MYRIP: variants seen among roughly 807,000 people sequenced by gnomAD.
MYRIP encodes the protein myosin VIIA and Rab interacting protein, also known as rab effector MyRIP.
A neutral mutation model predicts 98.0 loss-of-function variants in MYRIP; 49 were observed. The observed-to-expected ratio is 0.50, with a 90% CI of 0.40 to 0.63. MYRIP has a LOEUF of 0.63. Among genes scored for constraint, MYRIP ranks in the 30% least tolerant of loss-of-function variants. MYRIP has a pLI of 0.00. For missense variants in MYRIP, 1,004 were observed against 1,058.2 expected (o/e 0.95, Z 0.71); for synonymous variants, 404 against 409.5 (o/e 0.99, Z 0.16).
intron 16 of MYRIP, among the ~76,000 whole-genome samples, chr3:40,253,294 A>G (rs956467713): frequency 1.3e-5 from 2 of 152,206 alleles, no homozygotes; most frequent in Non-Finnish European, 2.9e-5. Context: ...CATATGTTCA[A>G]CAGCCGCGGT....
intron 1 of MYRIP, among the ~76,000 whole-genome samples, chr3:39,830,800 G>T (rs1941420266): frequency 1.3e-5 from 2 of 151,800 alleles, no homozygotes; most frequent in Middle Eastern, 3.4e-3. Context: ...CCGAGCTATG[G>T]CTCCCATTTC....
At chr3:40,249,755 G>A (rs1953316383) in intron 13 of MYRIP, among the ~76,000 whole-genome samples, 1 of 152,162 alleles carries the variant, frequency 6.6e-6, no homozygotes, top group Admixed American at 6.5e-5. Flanking sequence ...TGGAGGAGAT[G>A]GACTTGAACC....
intron 3 of MYRIP, among the ~76,000 whole-genome samples, chr3:40,148,150 T>C (rs1559420909): frequency 6.6e-6 from 1 of 152,216 alleles, no homozygotes; most frequent in Non-Finnish European, 1.5e-5. Flanking sequence ...TTTAGCATCA[T>C]TATTTTTATC....
chr3:39,881,170 T>G (rs1053485796), intron 1 of MYRIP, among the ~76,000 whole-genome samples: 1 of 152,200 alleles, frequency 6.6e-6, no homozygotes, highest in African/African-American at 2.4e-5. Context: ...TACCTAGATA[T>G]CATAGGATTG....
chr3:40,229,180 A>G (rs1190951608), intron 11 of MYRIP, among the ~76,000 whole-genome samples: 1 of 152,246 alleles, frequency 6.6e-6, no homozygotes, highest in Non-Finnish European at 1.5e-5. Context: ...AACACCTTGC[A>G]TTCTCCATGT....
chr3:39,881,622 G>A (rs9809063), intron 1 of MYRIP, among the ~76,000 whole-genome samples: 6,036 of 152,184 alleles, frequency 0.04, 297 homozygotes, highest in East Asian at 0.13. Context: ...ACACTGCTCA[G>A]CTATGCCTAG....
chr3:40,251,973 A>G lies in MYRIP; in HGVS notation c.2521A>G (p.Arg841Gly). The G allele has an allele frequency of 6.2e-7, 1 of 1,612,038 alleles. No homozygotes were observed. The highest frequency in any genetic ancestry group is 8.5e-7 in the Non-Finnish European group (1 of 1,178,142). ...QGSSTNRTKE[R>G]KGTTKDLMEP... The stretch of plus-strand genomic sequence containing the variant: ...CTCCTCAACAAACAGGACTAAGGAA[A>G]GGAAAGGCACCACCAAGGATTTGAT... The change falls in exon 16 of 17, where the codon AGG (arginine) becomes GGG (glycine). Residue 841 changes from arginine to glycine, a missense_variant. Arg to Gly is a moderately radical substitution (Grantham distance 125). Around this residue, in one of 3 missense-constraint regions of MYRIP, gnomAD observed 108 missense variants for 111.1 expected, o/e 0.97. Transcript: ENST00000302541.
chr3:40,070,771 G>A (rs1341961370), intron 3 of MYRIP, among the ~76,000 whole-genome samples: 1 of 152,176 alleles, frequency 6.6e-6, no homozygotes, highest in Non-Finnish European at 1.5e-5. Flanking sequence ...GTACCAGAAA[G>A]GCTGGGGACT....
chr3:40,248,145 GTAATAT>G (rs1305943260), intron 13 of MYRIP: 2 of 152,378 alleles, frequency 1.3e-5, no homozygotes, highest in East Asian at 3.9e-4. Context: ...TGTGTTCTTG[GTAATAT>G]TAGGACAGAG....
intron 2 of MYRIP, among the ~76,000 whole-genome samples, chr3:40,010,676 C>T (rs1353521467): frequency 2.0e-5 from 3 of 152,124 alleles, no homozygotes; most frequent in Non-Finnish European, 4.4e-5. Flanking sequence ...CTATGCTTTG[C>T]ATTGGTTCTT....
At chr3:40,216,840 A>G (rs749171089) in intron 11 of MYRIP, among the ~76,000 whole-genome samples, 2 of 152,190 alleles carry the variant, frequency 1.3e-5, no homozygotes, top group Non-Finnish European at 2.9e-5. Context: ...CAAAAACACT[A>G]TGAACATCAC....
chr3:40,099,890 C>A, intron 3 of MYRIP: 2 of 678,534 alleles, frequency 2.9e-6, no homozygotes, highest in Non-Finnish European at 1.8e-6. Context: ...TTAAACCGGG[C>A]AGCTTTAAAT....
At chr3:40,153,108 G>A (rs979829885) in intron 4 of MYRIP, among the ~76,000 whole-genome samples, 2 of 149,662 alleles carry the variant, frequency 1.3e-5, no homozygotes, top group Admixed American at 6.6e-5. Flanking sequence ...GACAGAGCAA[G>A]ACCCTGTCCA....
intron 8 of MYRIP, chr3:40,173,759 A>G (rs1950682110): frequency 6.6e-6 from 1 of 152,240 alleles, no homozygotes; most frequent in Non-Finnish European, 1.5e-5. Context: ...GGCACAAGCC[A>G]GAGTCTCATA....
chr3:40,076,719 G>T (rs1427948299), intron 3 of MYRIP, among the ~76,000 whole-genome samples: 1 of 152,162 alleles, frequency 6.6e-6, no homozygotes, highest in Non-Finnish European at 1.5e-5. Context: ...AAGGGGGACT[G>T]GCAGCCACAT....
chr3:40,198,951 G>A (rs754428132), intron 10 of MYRIP, among the ~76,000 whole-genome samples: 1 of 152,074 alleles, frequency 6.6e-6, no homozygotes, highest in Admixed American at 6.6e-5. Context: ...ATGAAAAGGA[G>A]GACAAAGGGA....
At chr3:39,979,794 A>T (rs1018807283) in intron 2 of MYRIP, among the ~76,000 whole-genome samples, 4 of 152,196 alleles carry the variant, frequency 2.6e-5, no homozygotes, top group Non-Finnish European at 5.9e-5. Flanking sequence ...TAAAATGGCA[A>T]TTGATTATAT....
At chr3:40,014,603 A>G (rs370072118) in intron 2 of MYRIP, among the ~76,000 whole-genome samples, 30 of 152,146 alleles carry the variant, frequency 2.0e-4, no homozygotes, top group African/African-American at 7.2e-4. Context: ...CACATGTACA[A>G]TGAGGACACC....
At chr3:40,249,378 A>G (rs1430150822) in intron 13 of MYRIP, among the ~76,000 whole-genome samples, 3 of 152,202 alleles carry the variant, frequency 2.0e-5, no homozygotes, top group African/African-American at 7.2e-5. Flanking sequence ...GGCCACTGAC[A>G]TGAATTCCAT....
Sources: gnomAD v4.1 joint callset for allele counts (sites outside exome capture counted in the v4.1 genomes callset) on GRCh38, gnomAD v4.1.1 for gene constraint, gnomAD v4.1.1 regional missense constraint, MANE v1.5 for transcripts, NCBI Gene and HGNC (gene_info 2026-07-23, HGNC 2026-07-21) for gene names.